The following BCAS2 variants were observed in gnomAD, a reference collection of about 807,000 sequenced individuals.
BCAS2 encodes pre-mRNA-splicing factor SPF27.
Under a neutral mutation model 35.3 loss-of-function variants are expected in BCAS2, and 34 were observed. That is an observed-to-expected ratio of 0.96 (90% confidence interval 0.73 to 1.28). BCAS2 has a LOEUF of 1.28. Among genes scored for constraint, BCAS2 ranks in the 50% most tolerant of loss-of-function variants. BCAS2 has a pLI of 0.00. For missense variants in BCAS2, 221 were observed against 268.1 expected (o/e 0.82, Z 1.23); for synonymous variants, 75 against 91.6 (o/e 0.82, Z 1.03).
chr1:114,573,950 C>CT (rs1425746946), intron 4 of BCAS2, among the ~76,000 whole-genome samples: 2 of 152,162 alleles, frequency 1.3e-5, no homozygotes, highest in Non-Finnish European at 2.9e-5. Context: ...GAAACATACT[C>CT]TAACGAAAGT....
chr1:114,577,838 A>T (rs1654802633), intron 2 of BCAS2, among the ~76,000 whole-genome samples: 1 of 152,208 alleles, frequency 6.6e-6, no homozygotes, highest in Non-Finnish European at 1.5e-5. Context: ...GGTTTCAACT[A>T]TCTTAACAAT....
rs991089062 is a variant in BCAS2, at chr1:114,579,413, G to C, written c.186+1886C>G. ...AAAACTGGCAAAAGTATTTTAAAAA[G>C]TCTGTGATTGAATGCAGTTATCTGA... On this transcript the variant is annotated intron_variant, in intron 2 of 6. Coordinates refer to ENST00000369541, the MANE Select transcript of BCAS2 (RefSeq NM_005872.3). Among the ~76,000 whole-genome samples, 4 of 152,228 alleles carry C rather than the reference G, an allele frequency of 2.6e-5. No individual in the cohort carries two copies. In the East Asian group the frequency reaches 7.7e-4, roughly 29 times the overall value.
chr1:114,569,616 C>CCT (rs1173838440), intron 6 of BCAS2, among the ~76,000 whole-genome samples: 1 of 151,358 alleles, frequency 6.6e-6, no homozygotes, highest in African/African-American at 2.4e-5. Context: ...AATCCTCCTG[C>CCT]CTCAGCCTCC....
chr1:114,581,189 G>GGTAAGTAGT, intron 2 of BCAS2, 110 bp downstream of exon 2: 2 of 1,058,296 alleles, frequency 1.9e-6, no homozygotes, highest in Non-Finnish European at 3.0e-6. Context: ...CTATACAGTA[G>GGTAAGTAGT]GTAAGTAGTA....
In BCAS2 at chr1:114,570,090, T is replaced by G. The variant is rs1448337378; in HGVS notation, c.471-18A>C. ...TATGTTTTCTGTAAAAAATTATTTA[T>G]ACAACCCAATTACATTTTAATGTAA... On this transcript the variant is annotated intron_variant, in intron 5 of 6. Coordinates refer to ENST00000369541, the MANE Select transcript of BCAS2 (RefSeq NM_005872.3). 6.5e-7 allele frequency: 1 copy of G among 1,544,862 alleles called. No homozygotes were observed. Among genetic ancestry groups the G allele is most frequent in the Non-Finnish European group, 8.9e-7 (1 of 1,120,606 alleles).
chr1:114,577,592 C>G (rs949146807), intron 2 of BCAS2, among the ~76,000 whole-genome samples: 2 of 152,132 alleles, frequency 1.3e-5, no homozygotes, highest in East Asian at 3.9e-4. Context: ...GTCTCGAACT[C>G]CTGACCTGAG....
intron 6 of BCAS2, among the ~76,000 whole-genome samples, chr1:114,568,755 C>CT (rs67319421): frequency 0.052 from 4,283 of 83,084 alleles, 187 homozygotes; most frequent in African/African-American, 0.12. Context: ...TCTCTGTATT[C>CT]TTTTTTTTTT....
intron 6 of BCAS2, among the ~76,000 whole-genome samples, chr1:114,568,752 A>AT (rs1557929594): frequency 5.7e-5 from 7 of 122,076 alleles, no homozygotes; most frequent in Middle Eastern, 4.6e-3. Flanking sequence ...ATCTCTCTGT[A>AT]TTCTTTTTTT....
At chr1:114,575,887 A>G in intron 3 of BCAS2, 136 bp from the exon 4 acceptor site, 1 of 910,492 alleles carries the variant, frequency 1.1e-6, no homozygotes, top group Non-Finnish European at 1.6e-6. Context: ...TTGCAATAAT[A>G]AGAAACCGAT....
chr1:114,568,050 T>C lies in BCAS2; in HGVS notation c.*80A>G. 3 of 1,559,854 alleles carry C rather than the reference T, an allele frequency of 1.9e-6. No individual in the cohort carries two copies. The highest frequency in any genetic ancestry group is 2.3e-5 in the South Asian group (2 of 88,124). ...AACATCAATGGTTTTGGGAAGATGC[T>C]GTTGTCCTTCAAAGTTCATTAAAAG... On this transcript the variant is annotated 3_prime_UTR_variant, in exon 7 of 7. Coordinates refer to ENST00000369541, the MANE Select transcript of BCAS2 (RefSeq NM_005872.3).
intron 4 of BCAS2, among the ~76,000 whole-genome samples, chr1:114,571,657 G>A (rs988451305): frequency 1.3e-5 from 2 of 152,104 alleles, no homozygotes; most frequent in African/African-American, 4.8e-5. Flanking sequence ...ACGGCCTTTT[G>A]TCACTTCTTA....
Position 114,581,368 on chromosome 1 carries a change from T to C in BCAS2, c.117A>G (p.Glu39=), listed in dbSNP as rs1177355579. 1.2e-6 allele frequency: 2 copies of C among 1,614,004 alleles called. No individual in the cohort carries two copies. The highest frequency in any genetic ancestry group is 1.3e-5 in the African/African-American group (1 of 74,886). The change falls in exon 2 of 7, where the codon GAA becomes GAG. Residue 39 remains glutamate, a synonymous_variant. Coordinates refer to ENST00000369541, the MANE Select transcript of BCAS2 (RefSeq NM_005872.3). Reference sequence around the variant, plus strand: ...TCTTAGTAGGTCGGTATCTGCGAGTTTCCTCCTCCACCAGCGCTGCAGCCT... The same window carrying C: ...TCTTAGTAGGTCGGTATCTGCGAGTCTCCTCCTCCACCAGCGCTGCAGCCT... ...REAAAALVEE[E]TRRYRPTKNY...
intron 2 of BCAS2, among the ~76,000 whole-genome samples, chr1:114,578,903 G>A (rs909930152): frequency 6.6e-6 from 1 of 152,178 alleles, no homozygotes; most frequent in African/African-American, 2.4e-5. Flanking sequence ...AATGGGGATA[G>A]CAAACATAGT....
chr1:114,576,655 A>C, intron 3 of BCAS2, 33 bp downstream of exon 3: 1 of 1,547,712 alleles, frequency 6.5e-7, no homozygotes, highest in Non-Finnish European at 8.9e-7. Context: ...GTTACTACAA[A>C]CTAAATTTTA....
rs113798086 is a variant in BCAS2 at position 114,578,309 on chromosome 1, A to G, written c.187-1551T>C. Among the ~76,000 whole-genome samples the G allele has an allele frequency of 2.3e-3, 357 of 152,350 alleles. 2 individuals are homozygous for G. Among genetic ancestry groups the G allele is most frequent in the African/African-American group, 8.1e-3 (336 of 41,582 alleles). On this transcript the variant is annotated intron_variant, in intron 2 of 6. Transcript: ENST00000369541. ...TACTGCTAAATTACACACAATCTTA[A>G]GAAAATGTAGTTACCTAGTTTCCTG...
chr1:114,570,600 T>C, intron 5 of BCAS2, 100 bp downstream of exon 5: 1 of 845,222 alleles, frequency 1.2e-6, no homozygotes, highest in Non-Finnish European at 1.9e-6. Context: ...AATTGTTTAC[T>C]TTCATCTGGC....
At position 114,576,688 on chromosome 1, in the gene BCAS2, C is replaced by T. The variant is rs770834209; in HGVS notation, c.257G>A (p.Arg86Gln). ...RQPIELLSMK[R>Q]YELPAPSSGQ... is the part of the protein sequence containing the mutation. ...TTAATTTCCATTTTAATATTCTTAC[C>T]GTTTCATACTGAGCAATTCAATTGG... Residue 86 changes from arginine (R) to glutamine (Q), a missense_variant and splice_region_variant, in exon 3 of 7, where the codon CGA (arginine) becomes CAA (glutamine). By Grantham distance (43) the Arg-to-Gln change is conservative (BLOSUM62 1). Transcript: ENST00000369541. 1.2e-6 allele frequency: 2 copies of T among 1,601,240 alleles called. No individual in the cohort carries two copies. The highest frequency in any genetic ancestry group is 1.1e-5 in the South Asian group (1 of 90,046).
At chr1:114,568,755 CTTTTTTTTTTTTT>C (rs67319421) in intron 6 of BCAS2, among the ~76,000 whole-genome samples, 2 of 83,232 alleles carry the variant, frequency 2.4e-5, no homozygotes, top group East Asian at 3.3e-4. Flanking sequence ...TCTCTGTATT[CTTTTTTTTTTTTT>C]TTTTTTTTTT....
intron 6 of BCAS2, among the ~76,000 whole-genome samples, chr1:114,569,316 T>C (rs936004780): frequency 4.0e-5 from 6 of 150,254 alleles, no homozygotes; most frequent in Non-Finnish European, 7.4e-5. Context: ...ACTTGAGTAA[T>C]GAAGGGAGAA....
Sources: allele counts gnomAD v4.1 joint callset (sites outside exome capture counted in the v4.1 genomes callset), GRCh38; gene constraint gnomAD v4.1.1; transcripts MANE v1.5; gene names NCBI Gene and HGNC (gene_info 2026-07-23, HGNC 2026-07-21).